RAD51B: variants seen among roughly 807,000 people sequenced by gnomAD.
RAD51B encodes RAD51 paralog B.
Under a neutral mutation model 42.2 loss-of-function variants are expected in RAD51B, and 38 were observed. The observed-to-expected ratio is 0.90, with a 90% CI of 0.70 to 1.18. The LOEUF (loss-of-function observed/expected upper bound fraction) is 1.18, where lower values mean the gene tolerates loss of function less well. Ranked by LOEUF, RAD51B falls within the 50% of genes most tolerant of loss-of-function variation. The probability of loss-of-function intolerance (pLI) is 0.00; values close to 1 mark genes in which losing one functional copy is unlikely to be tolerated. For synonymous variants in RAD51B, 154 were observed against 145.2 expected (o/e 1.06, Z -0.43); for missense variants, 373 against 400.7 (o/e 0.93, Z 0.59).
intron 11 of RAD51B, among the ~76,000 whole-genome samples, chr14:68,674,194 TAC>T (rs763518775): frequency 1.3e-5 from 2 of 151,876 alleles, no homozygotes; most frequent in South Asian, 2.1e-4. Flanking sequence ...ATACATCACA[TAC>T]ACACATATAC....
At chr14:68,203,384 A>G (rs1259438902) in intron 7 of RAD51B, among the ~76,000 whole-genome samples, 1 of 152,206 alleles carries the variant, frequency 6.6e-6, no homozygotes, top group African/African-American at 2.4e-5. Context: ...TTCTCTGAGC[A>G]GTAGGTCTCA....
At chr14:68,458,147 G>T (rs1339810186) in intron 9 of RAD51B, among the ~76,000 whole-genome samples, 1 of 152,136 alleles carries the variant, frequency 6.6e-6, no homozygotes, top group African/African-American at 2.4e-5. Flanking sequence ...AAAAACAAGT[G>T]TAATAAAATT....
At chr14:68,682,917 T>C (rs1254704224) in intron 11 of RAD51B, 1 of 726,260 alleles carries the variant, frequency 1.4e-6, no homozygotes, top group Non-Finnish European at 1.6e-6. Context: ...TGGCTTTTTT[T>C]TTTTTTTTTT....
At chr14:68,240,317 C>G (rs982932707) in intron 7 of RAD51B, among the ~76,000 whole-genome samples, 1 of 152,226 alleles carries the variant, frequency 6.6e-6, no homozygotes. Context: ...CTTCCTTATA[C>G]AGCCACTTAG....
intron 7 of RAD51B, among the ~76,000 whole-genome samples, chr14:68,274,287 GCATTCA>G (rs2081178994): frequency 6.6e-6 from 1 of 152,082 alleles, no homozygotes; most frequent in South Asian, 2.1e-4. Context: ...GACAATGTAA[GCATTCA>G]TGGCAGAGCT....
intron 10 of RAD51B, among the ~76,000 whole-genome samples, chr14:68,505,087 A>G (rs983334181): frequency 2.0e-5 from 3 of 152,296 alleles, no homozygotes; most frequent in East Asian, 1.9e-4. Flanking sequence ...AAGTTTGACA[A>G]TTGTTACAAG....
At chr14:68,607,922 C>T (rs1425952293) in intron 10 of RAD51B, among the ~76,000 whole-genome samples, 5 of 152,116 alleles carry the variant, frequency 3.3e-5, no homozygotes, top group African/African-American at 9.7e-5. Context: ...AGAGCCAGGC[C>T]GAAAGGCAAA....
rs901978055 is a variant in RAD51B at position 68,488,160 on chromosome 14, A to G, written c.1036+19910A>G. On this transcript the variant is annotated intron_variant, in intron 10 of 10. Coordinates refer to the RAD51B transcript ENST00000487270. ...ATGGCTTTGGCAGTGTGTTGATGGC[A>G]CCAGGACAGAAATTACGTTCTGTTT... 6.0e-5 allele frequency among the ~76,000 whole-genome samples: 9 copies of G among 150,776 alleles called. No individual in the cohort carries two copies. The East Asian group carries it at 1.8e-3, about 29-fold the overall frequency.
chr14:68,588,025 G>A (rs1366433499), intron 10 of RAD51B, among the ~76,000 whole-genome samples: 1 of 152,216 alleles, frequency 6.6e-6, no homozygotes, highest in Non-Finnish European at 1.5e-5. Context: ...AGGCCCTACT[G>A]AATCAGAGAA....
intron 5 of RAD51B, among the ~76,000 whole-genome samples, chr14:67,883,325 T>C (rs1159775118): frequency 2.1e-5 from 3 of 144,144 alleles, no homozygotes; most frequent in African/African-American, 7.9e-5. Flanking sequence ...AATACCACTT[T>C]AGCAAAAAAA....
intron 7 of RAD51B, among the ~76,000 whole-genome samples, chr14:68,243,492 A>G (rs747318548): frequency 2.6e-5 from 4 of 152,136 alleles, no homozygotes; most frequent in Admixed American, 6.5e-5. Flanking sequence ...TCCGAGACCT[A>G]GACCTTGCTG....
At chr14:67,824,597 G>A (rs979437428) in intron 2 of RAD51B, among the ~76,000 whole-genome samples, 5 of 151,872 alleles carry the variant, frequency 3.3e-5, no homozygotes, top group African/African-American at 1.2e-4. Context: ...AGAGCATTCT[G>A]CAATTTTTTT....
chr14:67,900,598 T>TTGTGTGTGTGTGTG (rs142144274), intron 7 of RAD51B, among the ~76,000 whole-genome samples: 1 of 142,266 alleles, frequency 7.0e-6, no homozygotes, highest in Middle Eastern at 3.6e-3. Flanking sequence ...TTCTTTCAGT[T>TTGTGTGTGTGTGTG]TGTGTGTGTG....
intron 9 of RAD51B, among the ~76,000 whole-genome samples, chr14:68,458,747 A>G (rs2085767343): frequency 6.6e-6 from 1 of 151,590 alleles, no homozygotes; most frequent in Non-Finnish European, 1.5e-5. Context: ...AGCTTACTTT[A>G]TGTCCCCTAA....
At chr14:67,830,233 T>TA (rs2040988198) in intron 3 of RAD51B, among the ~76,000 whole-genome samples, 1 of 151,962 alleles carries the variant, frequency 6.6e-6, no homozygotes, top group Non-Finnish European at 1.5e-5. Context: ...ATATGTGTTT[T>TA]AAAAAAAATC....
intron 7 of RAD51B, among the ~76,000 whole-genome samples, chr14:68,126,447 T>G (rs1029794632): frequency 1.3e-5 from 2 of 152,188 alleles, no homozygotes; most frequent in African/African-American, 2.4e-5. Flanking sequence ...TCAGCAAAGA[T>G]TGGAAGCAGC....
At chr14:67,835,025 AT>A in intron 3 of RAD51B, 54 bp from the exon 4 acceptor site, 1 of 1,334,324 alleles carries the variant, frequency 7.5e-7, no homozygotes. Context: ...AAGTTGGTTT[AT>A]GTTTTTGAAT....
At chr14:68,674,883 G>A (rs1595059020) in intron 11 of RAD51B, among the ~76,000 whole-genome samples, 6 of 152,288 alleles carry the variant, frequency 3.9e-5, no homozygotes, top group Admixed American at 3.9e-4. Context: ...GGAAGGGGAC[G>A]CCACCTGGAC....
intron 10 of RAD51B, among the ~76,000 whole-genome samples, chr14:68,553,207 G>A (rs1212793529): frequency 6.6e-6 from 1 of 152,172 alleles, no homozygotes; most frequent in Non-Finnish European, 1.5e-5. Flanking sequence ...CCCTTTTGTT[G>A]AACATATGGT....
Sources: gnomAD v4.1 joint callset for allele counts (sites outside exome capture counted in the v4.1 genomes callset) on GRCh38, gnomAD v4.1.1 for gene constraint, MANE v1.5 for transcripts, NCBI Gene and HGNC (gene_info 2026-07-23, HGNC 2026-07-21) for gene names.